Variants in SLC7A11 observed in about 807,000 individuals in gnomAD.
The protein encoded by SLC7A11 is solute carrier family 7 member 11.
Under a neutral mutation model 54.5 loss-of-function variants are expected in SLC7A11, and 35 were observed. The observed-to-expected ratio is 0.64, with a 90% CI of 0.49 to 0.85. The LOEUF is 0.85. Ranked by LOEUF, SLC7A11 falls within the 40% of genes least tolerant of loss-of-function variation. SLC7A11 has a pLI of 0.00. For synonymous variants in SLC7A11, 230 were observed against 225.2 expected, an observed-to-expected ratio of 1.02 and a Z score of -0.19; for missense variants, 583 against 618.1, an observed-to-expected ratio of 0.94 and a Z score of 0.60.
chr4:138,240,111 T>C (rs776929316), intron 1 of SLC7A11, among the ~76,000 whole-genome samples: 27 of 152,182 alleles, frequency 1.8e-4, no homozygotes, highest in Non-Finnish European at 3.7e-4. Flanking sequence ...GAAGTAATAC[T>C]GGGAAATAAT....
intron 11 of SLC7A11, among the ~76,000 whole-genome samples, chr4:138,173,778 A>G (rs892082060): frequency 6.6e-6 from 1 of 152,134 alleles, no homozygotes; most frequent in African/African-American, 2.4e-5. Context: ...GTGTTTCCTA[A>G]ATAAACTGTA....
At chr4:138,191,932 A>G (rs968424619) in intron 6 of SLC7A11, among the ~76,000 whole-genome samples, 12 of 152,172 alleles carry the variant, frequency 7.9e-5, no homozygotes, top group Non-Finnish European at 1.6e-4. Context: ...ATAAAATACT[A>G]ACAAAAAACT....
chr4:138,223,505 C>T (rs1381933077), intron 3 of SLC7A11, among the ~76,000 whole-genome samples, 181 bp from the exon 4 acceptor site: 2 of 152,202 alleles, frequency 1.3e-5, no homozygotes, highest in African/African-American at 2.4e-5. Flanking sequence ...TACATTTCAA[C>T]AGGTTCTCCA....
At chr4:138,196,184 C>G (rs1414067562) in intron 6 of SLC7A11, among the ~76,000 whole-genome samples, 1 of 152,008 alleles carries the variant, frequency 6.6e-6, no homozygotes, top group Non-Finnish European at 1.5e-5. Flanking sequence ...TAATAAAAAG[C>G]AGGAAATCTC....
chr4:138,203,634 T>A (rs78261385), intron 6 of SLC7A11, among the ~76,000 whole-genome samples: 1 of 152,242 alleles, frequency 6.6e-6, no homozygotes, highest in Non-Finnish European at 1.5e-5. Flanking sequence ...TGCAGGTGTA[T>A]GAGGCAATTA....
rs1192210981 is a variant in SLC7A11 at position 138,171,502 on chromosome 4, T to C, written c.*454A>G. ...AAAATAAATTTCTTTCTCTCCTCTTTGCCATAATCATGATGTATGCTTTTT... is the reference window on the plus strand; with the variant it reads ...AAAATAAATTTCTTTCTCTCCTCTTCGCCATAATCATGATGTATGCTTTTT... On this transcript the variant is annotated 3_prime_UTR_variant, in exon 12 of 12. Transcript: ENST00000280612. 6.5e-6 allele frequency: 1 copy of C among 153,498 alleles called. No homozygotes were observed. Among genetic ancestry groups the C allele is most frequent in the African/African-American group, 2.4e-5 (1 of 41,478 alleles). 9.5% of individuals were successfully genotyped at this position (153,498 alleles called of 1,614,324 possible).
chr4:138,207,312 T>A (rs993293643), intron 6 of SLC7A11, among the ~76,000 whole-genome samples: 4 of 152,106 alleles, frequency 2.6e-5, no homozygotes, highest in Admixed American at 6.6e-5. Context: ...ATTGCTGTAA[T>A]CTGCACATAT....
At position 138,232,285 on chromosome 4, in the gene SLC7A11, T is replaced by A; in HGVS notation, c.502A>T (p.Ile168Phe). The change falls in exon 3 of 12, where the codon ATT (isoleucine) becomes TTT (phenylalanine). Residue 168 changes from isoleucine to phenylalanine, a missense_variant. By Grantham distance (21) the Ile-to-Phe change is conservative (BLOSUM62 0). Coordinates refer to ENST00000280612, the MANE Select transcript of SLC7A11 (RefSeq NM_014331.4). ...CEIPELAIKL[I>F]TAVGITVVMV... ...TACTCACTTATGCCCACAGCTGTAA[T>A]GAGCTTGATCGCAAGTTCAGGGATT... The A allele has an allele frequency of 1.2e-6, 2 of 1,608,130 alleles. No homozygotes were observed. Among genetic ancestry groups the A allele is most frequent in the East Asian group, 4.5e-5 (2 of 44,836 alleles).
intron 6 of SLC7A11, among the ~76,000 whole-genome samples, chr4:138,204,857 T>A (rs1005939965): frequency 5.3e-5 from 8 of 152,026 alleles, no homozygotes; most frequent in Non-Finnish European, 8.8e-5. Flanking sequence ...TAACTACTAA[T>A]AATTGGGCAC....
At chr4:138,198,101 C>G (rs1007975802) in intron 6 of SLC7A11, among the ~76,000 whole-genome samples, 4 of 150,258 alleles carry the variant, frequency 2.7e-5, no homozygotes, top group African/African-American at 9.7e-5. Context: ...AAAAAAAATC[C>G]ATTCCAGATA....
rs1271036111 is a variant in SLC7A11 at position 138,170,261 on chromosome 4, TATATATATATACACAC to T, written c.*1679_*1694del. 1.0e-5 allele frequency: 1 copy of T among 97,050 alleles called. No homozygotes were observed. Among genetic ancestry groups the T allele is most frequent in the Admixed American group, 1.1e-4 (1 of 9,492 alleles). 6.0% of individuals were successfully genotyped at this position (97,050 alleles called of 1,614,324 possible). Reference sequence around the variant, plus strand: ...GTGTGTGTGTGTGTGTATATATATATATATATATATACACACACACACACACACACACATACACACA... The same window carrying T: ...GTGTGTGTGTGTGTGTATATATATATACACACACACACACACATACACACA... On this transcript the variant is annotated 3_prime_UTR_variant, in exon 12 of 12. Coordinates refer to ENST00000280612, the MANE Select transcript of SLC7A11 (RefSeq NM_014331.4).
chr4:138,202,729 C>G (rs906170452), intron 6 of SLC7A11, among the ~76,000 whole-genome samples: 1 of 152,006 alleles, frequency 6.6e-6, no homozygotes, highest in African/African-American at 2.4e-5. Context: ...TTTTTTGCAG[C>G]CGATAACCCA....
chr4:138,184,272 T>C (rs894227195), intron 7 of SLC7A11, among the ~76,000 whole-genome samples: 6 of 152,142 alleles, frequency 3.9e-5, no homozygotes, highest in Non-Finnish European at 7.4e-5. Flanking sequence ...TCAAATGAAA[T>C]GAGATAATTT....
Position 138,179,400 on chromosome 4 carries a change from A to G in SLC7A11, c.1267-6T>C. 3 of 1,609,822 alleles carry G rather than the reference A, an allele frequency of 1.9e-6. No homozygotes were observed. Among genetic ancestry groups the G allele is most frequent in the Non-Finnish European group, 2.5e-6 (3 of 1,178,022 alleles). On this transcript the variant is annotated splice_region_variant and splice_polypyrimidine_tract_variant and intron_variant, in intron 10 of 11. Transcript: ENST00000280612. Reference sequence around the variant, plus strand: ...GCTGGGATGAACAGTGGCACCTGGAACACAGAACACAAAAAAGTCACTTCA... The same window carrying G: ...GCTGGGATGAACAGTGGCACCTGGAGCACAGAACACAAAAAAGTCACTTCA...
chr4:138,237,733 ATATATTTTTTTTTTTTTTTTTT>A (rs1738266286), intron 1 of SLC7A11, among the ~76,000 whole-genome samples: 1 of 11,566 alleles, frequency 8.6e-5, no homozygotes, highest in Non-Finnish European at 1.4e-4. Flanking sequence ...ATATATATAT[ATATATTTTTTTTTTTTTTTTTT>A]TTTTTTTTTT....
intron 6 of SLC7A11, among the ~76,000 whole-genome samples, chr4:138,200,778 AAATT>A (rs1271980391): frequency 6.6e-6 from 1 of 152,176 alleles, no homozygotes; most frequent in Non-Finnish European, 1.5e-5. Context: ...TCTCAAGGTC[AAATT>A]AATTGTGGTT....
At chr4:138,217,668 C>T (rs1737711895) in intron 5 of SLC7A11, among the ~76,000 whole-genome samples, 1 of 152,222 alleles carries the variant, frequency 6.6e-6, no homozygotes, top group South Asian at 2.1e-4. Context: ...TTGTGACTAT[C>T]TTCACATTCC....
intron 3 of SLC7A11, among the ~76,000 whole-genome samples, chr4:138,223,651 ACC>A (rs1737872220): frequency 6.6e-6 from 1 of 152,168 alleles, no homozygotes; most frequent in Non-Finnish European, 1.5e-5. Flanking sequence ...ATGTCTTCTA[ACC>A]AAACCCAGCA....
rs1035013311 is a variant in SLC7A11, at chr4:138,165,543, C to T, written c.*6413G>A. On this transcript the variant is annotated 3_prime_UTR_variant, in exon 12 of 12. Coordinates refer to ENST00000280612, the MANE Select transcript of SLC7A11 (RefSeq NM_014331.4). ...AGCATTAAATGATACAGCCTTAACA[C>T]ATATGATGCTCATATTTGCAAAGTT... 6.6e-6 allele frequency: 1 copy of T among 152,282 alleles called. No homozygotes were observed. The highest frequency in any genetic ancestry group is 2.4e-5 in the African/African-American group (1 of 41,442). The allele number at this position is 152,282 out of a possible 1,614,324, so 9.4% of individuals were successfully genotyped here.
Sources: allele counts gnomAD v4.1 joint callset (sites outside exome capture counted in the v4.1 genomes callset), GRCh38; gene constraint gnomAD v4.1.1; transcripts MANE v1.5; gene names NCBI Gene and HGNC (gene_info 2026-07-23, HGNC 2026-07-21).